PTPRT: variants seen among roughly 807,000 people sequenced by gnomAD.
PTPRT encodes the protein receptor-type tyrosine-protein phosphatase T.
In PTPRT, 56 loss-of-function variants were observed where a neutral mutation model predicts 176.8. The observed-to-expected ratio is 0.32, with a 90% CI of 0.26 to 0.40. The LOEUF (loss-of-function observed/expected upper bound fraction) is 0.40. Ranked by LOEUF, PTPRT falls within the 10% of genes least tolerant of loss-of-function variation. The probability of loss-of-function intolerance (pLI) is 1.00; values close to 1 mark genes in which losing one functional copy is unlikely to be tolerated. For missense variants in PTPRT, 1,540 were observed against 1,908.2 expected (o/e 0.81, Z 3.60); for synonymous variants, 783 against 739.0 (o/e 1.06, Z -0.96).
intron 22 of PTPRT, among the ~76,000 whole-genome samples, chr20:42,113,231 A>G (rs1987099299): frequency 6.6e-6 from 1 of 152,210 alleles, no homozygotes; most frequent in African/African-American, 2.4e-5. Context: ...TGTTTAAAAG[A>G]CAAAGAAAAT....
At chr20:43,180,566 C>T (rs1168220760) in intron 1 of PTPRT, among the ~76,000 whole-genome samples, 6 of 151,838 alleles carry the variant, frequency 4.0e-5, no homozygotes, top group Non-Finnish European at 5.9e-5. Flanking sequence ...CAGGTTCAAA[C>T]GATTCTCCTG....
At chr20:42,643,552 A>T (rs1287644801) in intron 7 of PTPRT, among the ~76,000 whole-genome samples, 1 of 151,222 alleles carries the variant, frequency 6.6e-6, no homozygotes, top group East Asian at 1.9e-4. Context: ...CCTGGGCTCA[A>T]GCAATCCTCC....
chr20:42,995,843 T>A (rs1052481148), intron 1 of PTPRT, among the ~76,000 whole-genome samples: 3 of 152,122 alleles, frequency 2.0e-5, no homozygotes, highest in Non-Finnish European at 4.4e-5. Context: ...TTTTTAATAG[T>A]CAGCGTATCA....
At chr20:42,051,684 C>G in the PTPRT span, among the ~76,000 whole-genome samples, 2 of 152,164 alleles carry the variant, frequency 1.3e-5, no homozygotes, top group Non-Finnish European at 2.9e-5. Flanking sequence ...CGAAGTTCCT[C>G]TAAATACTGA....
chr20:42,513,050 G>C (rs1358336303), intron 7 of PTPRT, among the ~76,000 whole-genome samples: 1 of 152,064 alleles, frequency 6.6e-6, no homozygotes, highest in African/African-American at 2.4e-5. Flanking sequence ...AGTGGAGACA[G>C]GGTTTCACCA....
rs80332330 is a variant in PTPRT, at chr20:42,951,339, T to A, written c.89-65407A>T. On this transcript the variant is annotated intron_variant, in intron 1 of 30. Coordinates refer to ENST00000373187, the MANE Select transcript of PTPRT (RefSeq NM_007050.6). Reference sequence around the variant, plus strand: ...GGGGATGAGTGGATGGATGGGCAGATGAATGGGCAGATGGATAGATGGACA... The same window carrying A: ...GGGGATGAGTGGATGGATGGGCAGAAGAATGGGCAGATGGATAGATGGACA... Among the ~76,000 whole-genome samples the A allele has an allele frequency of 2.8e-3, 423 of 148,638 alleles. 11 individuals carry two copies. The East Asian group carries it at 0.047, about 17-fold the overall frequency.
intron 9 of PTPRT, among the ~76,000 whole-genome samples, chr20:42,374,884 GAC>G (rs1195958648): frequency 6.6e-6 from 1 of 152,106 alleles, no homozygotes; most frequent in Non-Finnish European, 1.5e-5. Flanking sequence ...ACTAGAATCT[GAC>G]ACAGAGAGCA....
At chr20:42,120,050 C>T in intron 19 of PTPRT, 79 bp from the exon 20 acceptor site, 3 of 1,326,446 alleles carry the variant, frequency 2.3e-6, no homozygotes, top group African/African-American at 1.5e-5. Context: ...AACATCCTCT[C>T]CAAGTCTTGA....
At chr20:42,475,766 C>CCT (rs376185973) in intron 7 of PTPRT, among the ~76,000 whole-genome samples, 2 of 152,304 alleles carry the variant, frequency 1.3e-5, no homozygotes, top group African/African-American at 4.8e-5. Flanking sequence ...CTGGAGCTCA[C>CCT]CTCTGGAGGT....
intron 1 of PTPRT, among the ~76,000 whole-genome samples, chr20:43,056,547 C>T (rs772588048): frequency 3.3e-5 from 5 of 152,154 alleles, no homozygotes; most frequent in African/African-American, 9.7e-5. Context: ...CATACACACA[C>T]GGTCTGTTGC....
intron 1 of PTPRT, among the ~76,000 whole-genome samples, chr20:42,910,779 A>G (rs1262186172): frequency 6.6e-6 from 1 of 152,226 alleles, no homozygotes; most frequent in African/African-American, 2.4e-5. Flanking sequence ...AGAACATTGT[A>G]TTAGTCTGTT....
At chr20:42,380,745 A>G (rs2058691636) in intron 9 of PTPRT, among the ~76,000 whole-genome samples, 1 of 152,154 alleles carries the variant, frequency 6.6e-6, no homozygotes, top group African/African-American at 2.4e-5. Flanking sequence ...GTGTGTTTCT[A>G]ATTCATTTTG....
At chr20:42,774,548 C>T (rs1339297846) in intron 4 of PTPRT, among the ~76,000 whole-genome samples, 1 of 152,216 alleles carries the variant, frequency 6.6e-6, no homozygotes, top group African/African-American at 2.4e-5. Flanking sequence ...GTTATTAAAA[C>T]ACAGTACAGG....
intron 7 of PTPRT, among the ~76,000 whole-genome samples, chr20:42,502,081 T>C (rs1349998046): frequency 6.6e-6 from 1 of 152,170 alleles, no homozygotes; most frequent in African/African-American, 2.4e-5. Flanking sequence ...TTTAAAATTA[T>C]ATTCATTTTG....
At chr20:42,631,592 T>A (rs1374829971) in intron 7 of PTPRT, among the ~76,000 whole-genome samples, 1 of 152,160 alleles carries the variant, frequency 6.6e-6, no homozygotes, top group African/African-American at 2.4e-5. Context: ...GCTAACCTGC[T>A]GGGGAGCTCT....
At chr20:42,925,852 C>G (rs933022425) in intron 1 of PTPRT, among the ~76,000 whole-genome samples, 1 of 152,230 alleles carries the variant, frequency 6.6e-6, no homozygotes, top group Non-Finnish European at 1.5e-5. Flanking sequence ...CTGGCACTCT[C>G]TGATACCTAC....
At chr20:42,352,031 A>G (rs2145521142) in intron 10 of PTPRT, 53 bp downstream of exon 10, 1 of 1,552,876 alleles carries the variant, frequency 6.4e-7, no homozygotes, top group African/African-American at 1.4e-5. Context: ...AAGGAAAATC[A>G]GGAAGTGGGG....
At chr20:42,262,344 G>A (rs933229575) in intron 13 of PTPRT, among the ~76,000 whole-genome samples, 1 of 152,154 alleles carries the variant, frequency 6.6e-6, no homozygotes, top group African/African-American at 2.4e-5. Context: ...AGAGTCCTAA[G>A]ACAGGGTCTT....
intron 1 of PTPRT, among the ~76,000 whole-genome samples, chr20:42,977,086 T>G (rs928942972): frequency 1.3e-5 from 2 of 152,144 alleles, no homozygotes; most frequent in African/African-American, 4.8e-5. Flanking sequence ...GTTCTGTGGT[T>G]AAAACAAGCA....
Sources: allele counts gnomAD v4.1 joint callset (sites outside exome capture counted in the v4.1 genomes callset), GRCh38; gene constraint gnomAD v4.1.1; transcripts MANE v1.5; gene names NCBI Gene and HGNC (gene_info 2026-07-23, HGNC 2026-07-21).